The following MGAT5 variants were observed in gnomAD, a reference collection of about 807,000 sequenced individuals.
MGAT5 encodes alpha-1,6-mannosylglycoprotein 6-beta-N-acetylglucosaminyltransferase, also known as alpha-1,6-mannosylglycoprotein 6-beta-N-acetylglucosaminyltransferase A.
Under a neutral mutation model 94.3 loss-of-function variants are expected in MGAT5, and 30 were observed. The ratio of observed to expected loss-of-function variants is 0.32; its 90% CI spans 0.24 to 0.43. The LOEUF (loss-of-function observed/expected upper bound fraction) is 0.43. MGAT5 is among the 20% of genes least tolerant of loss of function. The probability of loss-of-function intolerance (pLI) is 1.00; values close to 1 mark genes in which losing one functional copy is unlikely to be tolerated. For missense variants in MGAT5, 691 were observed against 905.5 expected (o/e 0.76, Z 3.04); for synonymous variants, 310 against 322.9 (o/e 0.96, Z 0.43).
At chr2:134,310,131 C>G (rs956643003) in intron 2 of MGAT5, among the ~76,000 whole-genome samples, 2 of 152,148 alleles carry the variant, frequency 1.3e-5, no homozygotes, top group Non-Finnish European at 2.9e-5. Flanking sequence ...ACAGGCAGTA[C>G]TGTAGCTTCT....
intron 2 of MGAT5, among the ~76,000 whole-genome samples, chr2:134,297,636 A>T (rs72978116): frequency 0.053 from 8,120 of 152,282 alleles, 455 homozygotes; most frequent in East Asian, 0.19. Context: ...GTCAGAAATC[A>T]TGTTACCTTA....
At chr2:134,447,380 T>C (rs1685847891) in intron 15 of MGAT5, among the ~76,000 whole-genome samples, 1 of 152,180 alleles carries the variant, frequency 6.6e-6, no homozygotes, top group African/African-American at 2.4e-5. Flanking sequence ...CTGACAACAA[T>C]GATGGTTGCC....
rs373377770 is a variant in MGAT5, at chr2:134,145,214, C to CTCTGTGTGTGTGTGTGTGTGTG, written c.-143+24924_-143+24925insCTGTGTGTGTGTGTGTGTGTGT. On this transcript the variant is annotated intron_variant, in intron 1 of 16. Coordinates refer to the MGAT5 transcript ENST00000409645. ...GTAAGGTGTGTGTGTGTCTCTCTCT[C>CTCTGTGTGTGTGTGTGTGTGTG]TGTGTGTGTGTGTGTGTGTGTGTGT... Among the ~76,000 whole-genome samples, 133 of 143,866 alleles carry CTCTGTGTGTGTGTGTGTGTGTG rather than the reference C, an allele frequency of 9.2e-4. 1 individual carries two copies. The highest frequency in any genetic ancestry group is 3.2e-3 in the African/African-American group (123 of 38,572). 94.4% of individuals were successfully genotyped at this position (143,866 alleles called of 152,430 possible).
Position 134,270,381 on chromosome 2 carries a change from T to C in MGAT5, c.242-5T>C. The C allele has an allele frequency of 6.2e-7, 1 of 1,613,444 alleles. No homozygotes were observed. The highest frequency in any genetic ancestry group is 1.1e-5 in the South Asian group (1 of 91,024). On this transcript the variant is annotated splice_polypyrimidine_tract_variant and splice_region_variant and intron_variant, in intron 1 of 15. Coordinates refer to ENST00000281923, the MANE Select transcript of MGAT5 (RefSeq NM_002410.5). ...TTTTAAAATTGTCTGCACTTTCTTT[T>C]ACAGATCTGAAGAAAACCCTTGCTG...
At chr2:134,247,368 A>C (rs1559009580) in intron 1 of MGAT5, among the ~76,000 whole-genome samples, 1 of 148,496 alleles carries the variant, frequency 6.7e-6, no homozygotes. Context: ...TTAAAAAAAA[A>C]AAAAAACAAA....
rs1679603494 is a variant in MGAT5, at chr2:134,198,402, G to C, written c.-142-55860G>C. On this transcript the variant is annotated intron_variant, in intron 1 of 16. Coordinates refer to the MGAT5 transcript ENST00000409645. The stretch of plus-strand genomic sequence containing the variant: ...AGCAGCTTCAGAATTACCAAGCAAG[G>C]AGCAGGAAGTTGGCTGGGAGATGCC... Among the ~76,000 whole-genome samples, 5 of 152,244 alleles carry C rather than the reference G, an allele frequency of 3.3e-5. No homozygotes were observed. In the South Asian group the frequency reaches 1.0e-3, roughly 31 times the overall value.
intron 1 of MGAT5, chr2:134,120,438 C>T (rs936534150): frequency 3.1e-6 from 1 of 325,684 alleles, no homozygotes; most frequent in African/African-American, 2.2e-5. Context: ...CGGGGGCTTC[C>T]TTCCGTCGCT....
At chr2:134,299,083 A>G (rs1685865486) in intron 2 of MGAT5, among the ~76,000 whole-genome samples, 1 of 152,120 alleles carries the variant, frequency 6.6e-6, no homozygotes, top group Non-Finnish European at 1.5e-5. Flanking sequence ...CTTCTTCCCT[A>G]GAATTTATAT....
intron 15 of MGAT5, among the ~76,000 whole-genome samples, chr2:134,443,650 A>G (rs1245099023): frequency 1.3e-5 from 2 of 152,238 alleles, no homozygotes; most frequent in Non-Finnish European, 2.9e-5. Flanking sequence ...GCAGTGGTCC[A>G]GGATGTCTGG....
chr2:134,351,095 A>G (rs985369504), intron 9 of MGAT5, among the ~76,000 whole-genome samples: 4 of 152,110 alleles, frequency 2.6e-5, no homozygotes, highest in African/African-American at 9.7e-5. Context: ...TTAAAAATCA[A>G]CTCATCCTTA....
At chr2:134,362,433 C>T in intron 10 of MGAT5, 25 bp downstream of exon 10, 6 of 1,603,830 alleles carry the variant, frequency 3.7e-6, no homozygotes, top group Non-Finnish European at 4.3e-6. Flanking sequence ...GCGTGTCTCT[C>T]TCTCTGAAAA....
intron 1 of MGAT5, among the ~76,000 whole-genome samples, chr2:134,230,779 A>G (rs770813086): frequency 1.6e-4 from 25 of 152,206 alleles, no homozygotes; most frequent in Non-Finnish European, 2.8e-4. Flanking sequence ...GAGTTATCAT[A>G]TGACCCAGTA....
chr2:134,326,605 G>A (rs1045968826), intron 4 of MGAT5, among the ~76,000 whole-genome samples: 12 of 152,028 alleles, frequency 7.9e-5, no homozygotes, highest in Admixed American at 7.2e-4. Context: ...AGCATTAATT[G>A]CTATTGATTT....
intron 1 of MGAT5, among the ~76,000 whole-genome samples, chr2:134,246,724 T>C (rs1039586348): frequency 6.6e-6 from 1 of 152,234 alleles, no homozygotes; most frequent in Non-Finnish European, 1.5e-5. Context: ...GCTGGTAGAC[T>C]CAGCTTGGTT....
intron 1 of MGAT5, among the ~76,000 whole-genome samples, chr2:134,174,881 C>T (rs1282188517): frequency 6.6e-6 from 1 of 152,228 alleles, no homozygotes; most frequent in Non-Finnish European, 1.5e-5. Context: ...GTTGTCACCT[C>T]TTCTGGGTGC....
chr2:134,420,310 A>G (rs931461820), intron 12 of MGAT5, among the ~76,000 whole-genome samples: 36 of 152,292 alleles, frequency 2.4e-4, no homozygotes, highest in African/African-American at 8.4e-4. Flanking sequence ...CAGAGAAAAA[A>G]AAATGGAAGT....
chr2:134,189,607 T>TTTTTTTTGTTTTTTTTG (rs1689254435), intron 1 of MGAT5, among the ~76,000 whole-genome samples: 1 of 80,618 alleles, frequency 1.2e-5, no homozygotes, highest in Admixed American at 1.4e-4. Context: ...TTTTTGTTTT[T>TTTTTTTTGTTTTTTTTG]TTTTTTTTTT....
At chr2:134,176,912 A>G (rs1272701467) in intron 1 of MGAT5, among the ~76,000 whole-genome samples, 1 of 152,158 alleles carries the variant, frequency 6.6e-6, no homozygotes, top group Non-Finnish European at 1.5e-5. Context: ...TTTAGGCTAT[A>G]GGATGAAAGT....
At chr2:134,285,831 C>T (rs761056793) in intron 2 of MGAT5, among the ~76,000 whole-genome samples, 12 of 152,140 alleles carry the variant, frequency 7.9e-5, no homozygotes, top group Admixed American at 2.0e-4. Context: ...CCAGCAACCC[C>T]TCCGCTACAT....
Sources: gnomAD v4.1 joint callset for allele counts (sites outside exome capture counted in the v4.1 genomes callset) on GRCh38, gnomAD v4.1.1 for gene constraint, MANE v1.5 for transcripts, NCBI Gene and HGNC (gene_info 2026-07-23, HGNC 2026-07-21) for gene names.